The following TNNT2 variants were observed in gnomAD, a reference collection of about 807,000 sequenced individuals.
The protein encoded by TNNT2 is troponin T2, cardiac type.
Under a neutral mutation model 62.4 loss-of-function variants are expected in TNNT2, and 34 were observed. The observed-to-expected ratio is 0.54, with a 90% CI of 0.41 to 0.72. The LOEUF (loss-of-function observed/expected upper bound fraction) is 0.72, where lower values mean the gene tolerates loss of function less well. TNNT2 is among the 30% of genes least tolerant of loss of function. The pLI, the probability that TNNT2 is intolerant of heterozygous loss-of-function variation, is 0.00. For missense variants in TNNT2, 275 were observed against 381.9 expected, an observed-to-expected ratio of 0.72 and a Z score of 2.33; for synonymous variants, 123 against 127.2, an observed-to-expected ratio of 0.97 and a Z score of 0.22.
At chr1:201,367,456 G>A (rs766222989) in intron 7 of TNNT2, 14 of 533,410 alleles carry the variant, frequency 2.6e-5, no homozygotes, top group African/African-American at 1.7e-4. Flanking sequence ...CATCCTACAA[G>A]TGATTTCACC....
intron 8 of TNNT2, chr1:201,366,332 TCATAAAA>T: frequency 9.9e-7 from 1 of 1,015,168 alleles, no homozygotes; most frequent in Non-Finnish European, 1.2e-6. Flanking sequence ...AGGGTTGGCA[TCATAAAA>T]AGGGAAATGC....
intron 15 of TNNT2, among the ~76,000 whole-genome samples, chr1:201,360,234 G>T (rs1325961479): frequency 6.6e-6 from 1 of 152,206 alleles, no homozygotes; most frequent in Non-Finnish European, 1.5e-5. Flanking sequence ...GCATTTAGTG[G>T]GTGCCAGGCT....
chr1:201,367,844 C>T, intron 6 of TNNT2, 38 bp from the exon 7 acceptor site: 7 of 1,613,764 alleles, frequency 4.3e-6, no homozygotes, highest in Non-Finnish European at 5.9e-6. Context: ...GGTCCTTGTT[C>T]TGAGCTCAAG....
intron 7 of TNNT2, 74 bp from the exon 8 acceptor site, chr1:201,366,945 T>C (rs547749445): frequency 6.2e-7 from 1 of 1,612,548 alleles, no homozygotes; most frequent in Admixed American, 1.7e-5. Context: ...CTCGATGAGC[T>C]AGATCCCTGT....
intron 4 of TNNT2, 25 bp downstream of exon 4, chr1:201,372,002 C>A: frequency 6.2e-7 from 1 of 1,613,960 alleles, no homozygotes; most frequent in Non-Finnish European, 8.5e-7. Flanking sequence ...CCCTTTCTGG[C>A]TCTCCACCTG....
chr1:201,367,790 CTCT>C lies in TNNT2; in HGVS notation c.177_179del (p.Glu61del), dbSNP rs781616719. The C allele has an allele frequency of 3.7e-6, 6 of 1,613,994 alleles. No homozygotes were observed. The highest frequency in any genetic ancestry group is 1.3e-5 in the African/African-American group (1 of 74,902). On this transcript the variant is annotated inframe_deletion, in exon 7 of 17. Transcript: ENST00000656932. ...CCTTACCTTCAGCCTCCTTTGCTTC[CTCT>C]TCTTCTTCATCTTCTAAATGAAACA... is the stretch of plus-strand genomic sequence containing the variant.
At chr1:201,367,084 C>T in intron 7 of TNNT2, 2 of 714,636 alleles carry the variant, frequency 2.8e-6, no homozygotes, top group Non-Finnish European at 4.9e-6. Context: ...TAGAGTTCTG[C>T]AGGGCACACA....
In TNNT2 at chr1:201,362,340, T is replaced by C. The variant is rs2102237685; in HGVS notation, c.609+46A>G. 2.5e-6 allele frequency: 4 copies of C among 1,611,680 alleles called. No individual in the cohort carries two copies. In the Admixed American group the frequency reaches 5.0e-5, roughly 20 times the overall value. On this transcript the variant is annotated intron_variant, in intron 13 of 16. Transcript: ENST00000656932. ...GGCGCCTTCCCCTCCCAGGGAGCTC[T>C]CCAAAACTATGGGGAGGAAGAAGGC...
At chr1:201,363,628 C>A in intron 11 of TNNT2, 2 of 551,410 alleles carry the variant, frequency 3.6e-6, no homozygotes, top group South Asian at 2.0e-5. Context: ...AATGTGAGGT[C>A]TCGTCATCCC....
intron 13 of TNNT2, 124 bp from the exon 14 acceptor site, chr1:201,362,146 C>T (rs1658777571): frequency 1.6e-6 from 2 of 1,223,542 alleles, no homozygotes; most frequent in Non-Finnish European, 2.4e-6. Flanking sequence ...GCTCTTCTTC[C>T]TGCCACACCC....
intron 5 of TNNT2, 150 bp from the exon 6 acceptor site, chr1:201,368,377 G>A: frequency 1.3e-6 from 1 of 794,592 alleles, no homozygotes; most frequent in Non-Finnish European, 2.1e-6. Flanking sequence ...GTGCTGGGGG[G>A]CTGCCATTCT....
intron 11 of TNNT2, chr1:201,363,615 C>T: frequency 7.0e-6 from 4 of 574,496 alleles, no homozygotes; most frequent in South Asian, 5.9e-5. Context: ...GTCCTGATTC[C>T]CAAATGTGAG....
chr1:201,368,120 C>T (rs367627730), intron 6 of TNNT2, 42 bp downstream of exon 6: 13 of 1,605,092 alleles, frequency 8.1e-6, no homozygotes, highest in Admixed American at 5.0e-5. Context: ...CAGGGGCTCT[C>T]GCCACCCCCT....
chr1:201,363,035 G>T, intron 12 of TNNT2: 1 of 881,930 alleles, frequency 1.1e-6, no homozygotes, highest in Non-Finnish European at 1.4e-6. Flanking sequence ...CCTGAGCACT[G>T]CTGGAGCCAG....
In TNNT2 at chr1:201,368,914, G is replaced by A. The variant is rs1660152199; in HGVS notation, c.98-687C>T. On this transcript the variant is annotated intron_variant, in intron 5 of 16. Coordinates refer to ENST00000656932, the MANE Select transcript of TNNT2 (RefSeq NM_001276345.2). The stretch of plus-strand genomic sequence containing the variant: ...GGAGGAAGACACCATCGTGGGAGAA[G>A]GGTTGGCCTTCATTCCCTCTGTCCT... Among the ~76,000 whole-genome samples, 4 of 152,344 alleles carry A rather than the reference G, an allele frequency of 2.6e-5. No individual in the cohort carries two copies. The South Asian group carries it at 8.3e-4, about 32-fold the overall frequency.
At chr1:201,361,045 A>T (rs567988741) in intron 15 of TNNT2, 10 of 600,822 alleles carry the variant, frequency 1.7e-5, no homozygotes, top group Non-Finnish European at 2.4e-5. Flanking sequence ...GAACACCAGG[A>T]AAGTGTCTCT....
In TNNT2 at chr1:201,369,856, G is replaced by A; in HGVS notation, c.68-11C>T. 3.7e-6 allele frequency: 6 copies of A among 1,614,174 alleles called. No individual in the cohort carries two copies. Among genetic ancestry groups the A allele is most frequent in the Non-Finnish European group, 4.2e-6 (5 of 1,180,024 alleles). Reference sequence around the variant, plus strand: ...TCCAGTCCTCCTCTTCTGAGGTTCAGGGAGTGGCCGCAGCGGAGGGGAAAA... The same window carrying A: ...TCCAGTCCTCCTCTTCTGAGGTTCAAGGAGTGGCCGCAGCGGAGGGGAAAA... On this transcript the variant is annotated splice_polypyrimidine_tract_variant and intron_variant, in intron 4 of 16. Transcript: ENST00000656932.
At chr1:201,369,645 G>T (rs1325857778) in intron 5 of TNNT2, among the ~76,000 whole-genome samples, 171 bp downstream of exon 5, 3 of 152,158 alleles carry the variant, frequency 2.0e-5, no homozygotes, top group Non-Finnish European at 4.4e-5. Context: ...ATGATGATCA[G>T]CTTGGAACTG....
intron 1 of TNNT2, among the ~76,000 whole-genome samples, chr1:201,376,635 T>A (rs898492775): frequency 2.0e-5 from 3 of 152,098 alleles, no homozygotes; most frequent in Non-Finnish European, 4.4e-5. Flanking sequence ...AGAAAAGGAA[T>A]TTGGGAGGGC....
Sources: gnomAD v4.1 joint callset for allele counts (sites outside exome capture counted in the v4.1 genomes callset) on GRCh38, gnomAD v4.1.1 for gene constraint, MANE v1.5 for transcripts, NCBI Gene and HGNC (gene_info 2026-07-23, HGNC 2026-07-21) for gene names.